Variants in TASP1 observed in about 807,000 individuals in gnomAD.
TASP1 encodes the protein threonine aspartase 1.
Under a neutral mutation model 56.6 loss-of-function variants are expected in TASP1, and 16 were observed. The ratio of observed to expected loss-of-function variants is 0.28; its 90% CI spans 0.19 to 0.43. The LOEUF (loss-of-function observed/expected upper bound fraction) is 0.43, where lower values mean the gene tolerates loss of function less well. TASP1 is among the 20% of genes least tolerant of loss of function. The pLI, the probability that TASP1 is intolerant of heterozygous loss-of-function variation, is 1.00. For missense variants in TASP1, 393 were observed against 511.6 expected, an observed-to-expected ratio of 0.77 and a Z score of 2.24; for synonymous variants, 179 against 184.2, an observed-to-expected ratio of 0.97 and a Z score of 0.23.
At chr20:13,270,357 G>A in the TASP1 span, 2 of 823,026 alleles carry the variant, frequency 2.4e-6, no homozygotes, top group Non-Finnish European at 3.7e-6. Flanking sequence ...ACTAAACCAT[G>A]GGTTTGCAAA....
the TASP1 span, among the ~76,000 whole-genome samples, chr20:13,189,217 G>T: frequency 6.6e-6 from 1 of 152,094 alleles, no homozygotes; most frequent in Non-Finnish European, 1.5e-5. Context: ...AGAAAATCTA[G>T]AAAATACTCT....
At chr20:13,366,543 C>G in the TASP1 span, among the ~76,000 whole-genome samples, 1 of 152,166 alleles carries the variant, frequency 6.6e-6, no homozygotes, top group South Asian at 2.1e-4. Context: ...ACACCCAGAC[C>G]TACTGAAAAG....
chr20:13,434,029 A>C (rs6105096), intron 12 of TASP1, among the ~76,000 whole-genome samples: 54,614 of 151,912 alleles, frequency 0.36, 10,640 homozygotes, highest in Non-Finnish European at 0.43. Flanking sequence ...TTATATAATA[A>C]ATAAAACCAG....
downstream of TASP1, among the ~76,000 whole-genome samples, chr20:13,386,048 A>G (rs1447064733): frequency 6.6e-6 from 1 of 152,212 alleles, no homozygotes; most frequent in Non-Finnish European, 1.5e-5. Context: ...ACCTTACCAC[A>G]GTGCTTGTTG....
At chr20:13,343,538 C>T in the TASP1 span, among the ~76,000 whole-genome samples, 1 of 152,214 alleles carries the variant, frequency 6.6e-6, no homozygotes, top group Admixed American at 6.5e-5. Context: ...GCGGTTCCAC[C>T]GCTTCCAGGC....
chr20:13,588,212 C>A (rs1182135471), intron 4 of TASP1, among the ~76,000 whole-genome samples: 1 of 146,662 alleles, frequency 6.8e-6, no homozygotes, highest in Admixed American at 7.0e-5. Context: ...ACAATCTAAC[C>A]AGACAATTAG....
the TASP1 span, among the ~76,000 whole-genome samples, chr20:13,214,742 T>TA: frequency 4.7e-4 from 71 of 152,286 alleles, no homozygotes; most frequent in South Asian, 0.014. Flanking sequence ...AGCCAGCTTG[T>TA]AAAAAGCCTG....
At chr20:13,479,798 T>C (rs1332708277) in intron 11 of TASP1, among the ~76,000 whole-genome samples, 2 of 152,196 alleles carry the variant, frequency 1.3e-5, no homozygotes, top group Non-Finnish European at 2.9e-5. Context: ...CCTACAACTA[T>C]TCTTCATACA....
chr20:13,178,689 TAAA>T, the TASP1 span, among the ~76,000 whole-genome samples: 1 of 110,768 alleles, frequency 9.0e-6, no homozygotes. Flanking sequence ...ATATGGAAGC[TAAA>T]AAAAAAAAAA....
chr20:13,438,744 G>A (rs1235803963), intron 11 of TASP1, among the ~76,000 whole-genome samples: 1 of 152,100 alleles, frequency 6.6e-6, no homozygotes, highest in Non-Finnish European at 1.5e-5. Flanking sequence ...GAAAATTTTT[G>A]CAATCTACTC....
intron 10 of TASP1, among the ~76,000 whole-genome samples, chr20:13,513,689 G>C (rs1342846417): frequency 1.3e-5 from 2 of 152,120 alleles, no homozygotes; most frequent in East Asian, 3.9e-4. Context: ...AGATTAATAA[G>C]ACAAACCTGT....
intron 12 of TASP1, among the ~76,000 whole-genome samples, chr20:13,434,731 T>C (rs992081174): frequency 1.3e-5 from 2 of 152,128 alleles, no homozygotes; most frequent in Non-Finnish European, 2.9e-5. Context: ...TTGTTATGGG[T>C]CACCTCAAAT....
At chr20:13,302,121 G>A in the TASP1 span, among the ~76,000 whole-genome samples, 85,140 of 152,080 alleles carry the variant, frequency 0.56, 25,261 homozygotes, top group African/African-American at 0.76. Flanking sequence ...AGGTATTTTT[G>A]TTAAGGATTT....
At chr20:13,566,167 T>C (rs1342751501) in intron 7 of TASP1, among the ~76,000 whole-genome samples, 1 of 152,144 alleles carries the variant, frequency 6.6e-6, no homozygotes, top group Non-Finnish European at 1.5e-5. Flanking sequence ...AGGGACTAAA[T>C]GGAAGGCACA....
At chr20:13,241,561 G>A in the TASP1 span, among the ~76,000 whole-genome samples, 1 of 152,128 alleles carries the variant, frequency 6.6e-6, no homozygotes, top group Non-Finnish European at 1.5e-5. Context: ...GAGCTATGCA[G>A]ACAGGAGTAT....
At position 13,621,262 on chromosome 20, in the gene TASP1, T is replaced by TA. The variant is rs947503516; in HGVS notation, c.282+2183dup. Reference sequence around the variant, plus strand: ...AACATGGTGAAACCCTGTCTCTACTTAAAAAAAAAAATACAAAAATTAGCC... The same window carrying TA: ...AACATGGTGAAACCCTGTCTCTACTTAAAAAAAAAAAATACAAAAATTAGCC... On this transcript the variant is annotated intron_variant, in intron 4 of 13. Coordinates refer to ENST00000337743, the MANE Select transcript of TASP1 (RefSeq NM_017714.3). 5.4e-3 allele frequency among the ~76,000 whole-genome samples: 782 copies of TA among 145,788 alleles called. 6 individuals are homozygous for TA. The highest frequency in any genetic ancestry group is 0.018 in the African/African-American group (705 of 39,900).
At chr20:13,158,434 T>A in the TASP1 span, among the ~76,000 whole-genome samples, 3 of 152,264 alleles carry the variant, frequency 2.0e-5, no homozygotes, top group South Asian at 6.2e-4. Flanking sequence ...AAAACGTGCT[T>A]CCTTTGGCAC....
chr20:13,129,666 A>G, the TASP1 span, among the ~76,000 whole-genome samples: 1 of 152,210 alleles, frequency 6.6e-6, no homozygotes, highest in Non-Finnish European at 1.5e-5. Context: ...CATGTATGCA[A>G]CTTTGCAATC....
rs1002084299 is a variant in TASP1, at chr20:13,501,856, A to G, written c.875-18519T>C. Among the ~76,000 whole-genome samples, 6 of 152,112 alleles carry G rather than the reference A, an allele frequency of 3.9e-5. No individual in the cohort carries two copies. The East Asian group carries it at 7.7e-4, about 20-fold the overall frequency. On this transcript the variant is annotated intron_variant, in intron 10 of 13. Transcript: ENST00000337743. ...AACATATAGCAGACAAGTACTAAGG[A>G]TAAGAAAGTTGCTCTGACTATATTA...
Sources: allele counts gnomAD v4.1 joint callset (sites outside exome capture counted in the v4.1 genomes callset), GRCh38; gene constraint gnomAD v4.1.1; transcripts MANE v1.5; gene names NCBI Gene and HGNC (gene_info 2026-07-23, HGNC 2026-07-21).